GNG7: variants seen among roughly 807,000 people sequenced by gnomAD.
GNG7 encodes the protein guanine nucleotide-binding protein G(I)/G(S)/G(O) subunit gamma-7.
A neutral mutation model predicts 4.0 loss-of-function variants in GNG7; 1 was observed. The observed-to-expected ratio is 0.25, with a 90% confidence interval of 0.09 to 1.18. The LOEUF (loss-of-function observed/expected upper bound fraction) is 1.18, where lower values mean the gene tolerates loss of function less well. GNG7 is among the 50% of genes most tolerant of loss of function. The probability of loss-of-function intolerance (pLI) is 0.50; values close to 1 mark genes in which losing one functional copy is unlikely to be tolerated. For synonymous variants in GNG7, 34 were observed against 36.9 expected (o/e 0.92, Z 0.29); for missense variants, 86 against 91.9 (o/e 0.94, Z 0.26).
At chr19:2,587,063 C>T (rs1001452821) in intron 2 of GNG7, among the ~76,000 whole-genome samples, 6 of 151,512 alleles carry the variant, frequency 4.0e-5, no homozygotes, top group East Asian at 1.9e-4. Flanking sequence ...TCCACTACCA[C>T]GCAACACCAC....
chr19:2,596,704 G>A (rs1312498559), intron 2 of GNG7, among the ~76,000 whole-genome samples: 1 of 149,372 alleles, frequency 6.7e-6, no homozygotes, highest in African/African-American at 2.5e-5. Flanking sequence ...TATCGACCCA[G>A]TTGTTCTCCT....
At chr19:2,642,803 T>C (rs1982544169) in intron 2 of GNG7, 1 of 456,648 alleles carries the variant, frequency 2.2e-6, no homozygotes, top group African/African-American at 2.0e-5. Context: ...CAGAACTGAA[T>C]GTTTGAAGAA....
intron 1 of GNG7, among the ~76,000 whole-genome samples, chr19:2,684,465 G>C (rs1983822255): frequency 6.6e-6 from 1 of 151,646 alleles, no homozygotes; most frequent in South Asian, 2.1e-4. Flanking sequence ...AGGCCCCAAA[G>C]TGGTAGCGAC....
At chr19:2,524,152 G>C (rs1978326218) in intron 3 of GNG7, among the ~76,000 whole-genome samples, 1 of 152,246 alleles carries the variant, frequency 6.6e-6, no homozygotes, top group Non-Finnish European at 1.5e-5. Context: ...ACAGTCAGGA[G>C]TGTCCACCCA....
intron 1 of GNG7, among the ~76,000 whole-genome samples, chr19:2,650,539 C>T (rs578087193): frequency 6.6e-6 from 1 of 152,298 alleles, no homozygotes; most frequent in South Asian, 2.1e-4. Flanking sequence ...CTGCAAACCT[C>T]CCTGTCCCCA....
chr19:2,654,323 G>A (rs555312808), intron 1 of GNG7, among the ~76,000 whole-genome samples: 11 of 148,660 alleles, frequency 7.4e-5, no homozygotes, highest in African/African-American at 2.0e-4. Flanking sequence ...GAAACAGCAC[G>A]GGTCCCCCTC....
chr19:2,679,683 G>A (rs954619746), intron 1 of GNG7, among the ~76,000 whole-genome samples: 1 of 152,028 alleles, frequency 6.6e-6, no homozygotes, highest in African/African-American at 2.4e-5. Flanking sequence ...TCCATGATTC[G>A]CCACCTTTCA....
chr19:2,668,089 C>T (rs1983355024), intron 1 of GNG7, among the ~76,000 whole-genome samples: 1 of 151,996 alleles, frequency 6.6e-6, no homozygotes, highest in Admixed American at 6.6e-5. Flanking sequence ...CTGGTTTATT[C>T]GCTGTGACAA....
At chr19:2,701,142 C>G (rs1476381012) in intron 1 of GNG7, 1 of 152,132 alleles carries the variant, frequency 6.6e-6, no homozygotes, top group East Asian at 1.9e-4. Flanking sequence ...AAATAAACCT[C>G]AAAAAGTATT....
chr19:2,579,994 C>G (rs981198020), intron 2 of GNG7, among the ~76,000 whole-genome samples: 1 of 152,088 alleles, frequency 6.6e-6, no homozygotes, highest in Non-Finnish European at 1.5e-5. Context: ...AGCTTGTGTC[C>G]TCCTCGGACA....
At chr19:2,612,164 C>T (rs1011905052) in intron 2 of GNG7, among the ~76,000 whole-genome samples, 7 of 152,088 alleles carry the variant, frequency 4.6e-5, no homozygotes, top group African/African-American at 9.7e-5. Context: ...TGAGCCAGCG[C>T]GCCCGGCCAA....
intron 2 of GNG7, among the ~76,000 whole-genome samples, chr19:2,577,561 C>T (rs1474116709): frequency 2.0e-5 from 3 of 152,002 alleles, no homozygotes; most frequent in East Asian, 1.9e-4. Flanking sequence ...TCTGGGTGGG[C>T]GTGGTGGCTC....
At position 2,512,095 on chromosome 19, in the gene GNG7, G is replaced by T; in HGVS notation, c.*2927C>A. On this transcript the variant is annotated 3_prime_UTR_variant, in exon 5 of 5. Coordinates refer to ENST00000382159, the MANE Select transcript of GNG7 (RefSeq NM_052847.3). This position sits in a 1 kb window ranked among gnomAD's most constrained non-coding sequence, Gnocchi z 4.7. ...CGCTGCCTTGTGTGTGTGCGTGGGTGGGGGTGAGTGTCCTTAACTCTCTTT... is the reference window on the plus strand; with the variant it reads ...CGCTGCCTTGTGTGTGTGCGTGGGTTGGGGTGAGTGTCCTTAACTCTCTTT... The T allele has an allele frequency of 1.0e-6, 1 of 985,746 alleles. No individual in the cohort carries two copies. Among genetic ancestry groups the T allele is most frequent in the Non-Finnish European group, 1.2e-6 (1 of 829,780 alleles). 61.1% of individuals were successfully genotyped at this position (985,746 alleles called of 1,614,324 possible). A position where few individuals can be genotyped will look rare whatever the true frequency, so the allele number is the denominator to read the frequency against.
At chr19:2,524,430 T>C (rs1978331614) in intron 3 of GNG7, among the ~76,000 whole-genome samples, 1 of 152,256 alleles carries the variant, frequency 6.6e-6, no homozygotes, top group East Asian at 1.9e-4. Context: ...CACATGTGTA[T>C]GTGTGTGCAC....
chr19:2,558,453 C>T (rs915905776), intron 2 of GNG7, among the ~76,000 whole-genome samples: 3 of 152,048 alleles, frequency 2.0e-5, no homozygotes, highest in African/African-American at 7.2e-5. Context: ...AGGCTGGTCT[C>T]AAACTCCTGG....
rs375485231 is a variant in GNG7 at position 2,600,009 on chromosome 19, A to G, written c.-77-44821T>C. Among the ~76,000 whole-genome samples, 69 of 152,174 alleles carry G rather than the reference A, an allele frequency of 4.5e-4. No individual in the cohort carries two copies. The South Asian group carries it at 0.014, about 30-fold the overall frequency. On this transcript the variant is annotated intron_variant, in intron 2 of 4. Transcript: ENST00000382159. ...TATTCTAAAAACCACTGAATTGTACACTTTAAAAAGTGAATTCTATGGCAT... is the reference window on the plus strand; with the variant it reads ...TATTCTAAAAACCACTGAATTGTACGCTTTAAAAAGTGAATTCTATGGCAT...
At chr19:2,644,950 T>TA (rs1329218615) in intron 2 of GNG7, among the ~76,000 whole-genome samples, 1 of 152,228 alleles carries the variant, frequency 6.6e-6, no homozygotes, top group Admixed American at 6.5e-5. Context: ...GTTTCTGAAT[T>TA]ACCTCTCATG....
chr19:2,531,770 CAAA>C (rs57772201), intron 3 of GNG7, among the ~76,000 whole-genome samples: 37,296 of 128,246 alleles, frequency 0.29, 4,976 homozygotes, highest in East Asian at 0.53. Context: ...GACTCCGTCC[CAAA>C]AAAAAAAAAA....
chr19:2,530,714 T>C (rs1163746168), intron 3 of GNG7, among the ~76,000 whole-genome samples: 4 of 152,144 alleles, frequency 2.6e-5, no homozygotes, highest in African/African-American at 9.7e-5. Context: ...AGTGAGACCC[T>C]GTCTCAAAAA....
Sources: allele counts gnomAD v4.1 joint callset (sites outside exome capture counted in the v4.1 genomes callset), GRCh38; gene constraint gnomAD v4.1.1; non-coding constraint Gnocchi (gnomAD v3.1); transcripts MANE v1.5; gene names NCBI Gene and HGNC (gene_info 2026-07-23, HGNC 2026-07-21).